Variants in FBXO22 observed in about 807,000 individuals in gnomAD.
FBXO22 encodes F-box protein 22.
A neutral mutation model predicts 37.2 loss-of-function variants in FBXO22; 13 were observed. The observed-to-expected ratio is 0.35, with a 90% CI of 0.23 to 0.56. The LOEUF (loss-of-function observed/expected upper bound fraction) is 0.56, where lower values mean the gene tolerates loss of function less well. Among genes scored for constraint, FBXO22 ranks in the 20% least tolerant of loss-of-function variants. The pLI is 0.87. For synonymous variants in FBXO22, 189 were observed against 189.1 expected, an observed-to-expected ratio of 1.00 and a Z score of 0.00; for missense variants, 446 against 509.9, an observed-to-expected ratio of 0.87 and a Z score of 1.21.
At chr15:75,904,432 C>T in intron 1 of FBXO22, 59 bp from the exon 2 acceptor site, 5 of 1,610,814 alleles carry the variant, frequency 3.1e-6, no homozygotes, top group Non-Finnish European at 4.2e-6. Flanking sequence ...GGTTTGTGAG[C>T]TGTGGGAGAG....
rs1302465893 is a variant in FBXO22, at chr15:75,935,323, A to ACATGAAAAAAATGTG, written c.*2222_*2236dup. ...GTCCTCTGTGAAACTGAAAATGATC[A>ACATGAAAAAAATGTG]CATGAAAAAAATGTGAGCATAAAAA... is the stretch of plus-strand genomic sequence containing the variant. On this transcript the variant is annotated 3_prime_UTR_variant, in exon 7 of 7. Coordinates refer to ENST00000308275, the MANE Select transcript of FBXO22 (RefSeq NM_147188.3). 2 of 152,208 alleles carry ACATGAAAAAAATGTG rather than the reference A, an allele frequency of 1.3e-5. No homozygotes were observed. The highest frequency in any genetic ancestry group is 3.8e-4 in the East Asian group (2 of 5,204). 9.4% of individuals were successfully genotyped at this position (152,208 alleles called of 1,614,324 possible). A position where few individuals can be genotyped will look rare whatever the true frequency, so the allele number is the denominator to read the frequency against.
In FBXO22 at chr15:75,934,610, T is replaced by A. The variant is rs1284126299; in HGVS notation, c.*1508T>A. On this transcript the variant is annotated 3_prime_UTR_variant, in exon 7 of 7. Transcript: ENST00000308275. ...ATGATAAAAATGCTTGGAAGAGTCC[T>A]TTAATTTATGGTTATTCTAAATCCT... 4.6e-5 allele frequency: 7 copies of A among 152,210 alleles called. No homozygotes were observed. Among genetic ancestry groups the A allele is most frequent in the Non-Finnish European group, 8.8e-5 (6 of 68,038 alleles). The allele number at this position is 152,210 out of a possible 1,614,324, so 9.4% of individuals were successfully genotyped here. A position where few individuals can be genotyped will look rare whatever the true frequency, so the allele number is the denominator to read the frequency against.
intron 2 of FBXO22, among the ~76,000 whole-genome samples, chr15:75,910,101 C>CT (rs2141704585): frequency 6.6e-6 from 1 of 152,284 alleles, no homozygotes; most frequent in African/African-American, 2.4e-5. Flanking sequence ...TGAGTGCATC[C>CT]TTTTTCTATG....
At chr15:75,928,233 G>GC (rs1259348303) in intron 5 of FBXO22, among the ~76,000 whole-genome samples, 3 of 151,942 alleles carry the variant, frequency 2.0e-5, no homozygotes, top group Non-Finnish European at 4.4e-5. Context: ...ATTTGACCCA[G>GC]CAGTCCTATT....
intron 6 of FBXO22, chr15:75,930,611 TG>T: frequency 1.0e-6 from 1 of 985,664 alleles, no homozygotes; most frequent in Non-Finnish European, 1.2e-6. Context: ...GGATCTTTTT[TG>T]TTACTAAGGC....
At chr15:75,918,477 G>T (rs1900241091) in intron 5 of FBXO22, among the ~76,000 whole-genome samples, 1 of 152,154 alleles carries the variant, frequency 6.6e-6, no homozygotes, top group Non-Finnish European at 1.5e-5. Flanking sequence ...GCCAGCTCTG[G>T]TGTGACACAG....
chr15:75,918,633 G>A (rs1348228869), intron 5 of FBXO22, among the ~76,000 whole-genome samples: 1 of 152,208 alleles, frequency 6.6e-6, no homozygotes, highest in Non-Finnish European at 1.5e-5. Context: ...GGTGGATAAA[G>A]AAAATGTGGT....
intron 5 of FBXO22, among the ~76,000 whole-genome samples, chr15:75,921,907 T>C (rs1381631898): frequency 1.3e-5 from 2 of 152,240 alleles, no homozygotes; most frequent in Non-Finnish European, 2.9e-5. Context: ...CAGTAATACA[T>C]GTGGAGCTGT....
rs2029959011 is a variant in FBXO22, at chr15:75,930,038, G to C, written c.783G>C (p.Leu261=). ...AGGQVDNLSS[L]TSEKNPLDID... ...GCCAGGTGGACAACCTGTCATCACT[G>C]ACTTCTGAAAAGTATGTCTTGTGTG... The change falls in exon 6 of 7, where the codon CTG becomes CTC. Residue 261 remains leucine (L), a synonymous_variant. Transcript: ENST00000308275. 6.2e-7 allele frequency: 1 copy of C among 1,614,018 alleles called. No homozygotes were observed. The highest frequency in any genetic ancestry group is 1.3e-5 in the African/African-American group (1 of 75,034).
intron 2 of FBXO22, among the ~76,000 whole-genome samples, chr15:75,910,094 G>A (rs1392735645): frequency 6.6e-6 from 1 of 152,162 alleles, no homozygotes; most frequent in African/African-American, 2.4e-5. Context: ...AAGGACATGA[G>A]TGCATCCTTT....
intron 5 of FBXO22, among the ~76,000 whole-genome samples, chr15:75,926,073 T>G (rs2648436): frequency 0.98 from 149,782 of 152,312 alleles, 73,694 homozygotes; most frequent in East Asian, 1. Flanking sequence ...GGTTCACCAG[T>G]AGGTTACACT....
At position 75,932,854 on chromosome 15, in the gene FBXO22, T is replaced by G; in HGVS notation, c.964T>G (p.Phe322Val). The G allele has an allele frequency of 1.2e-6, 2 of 1,614,276 alleles. No individual in the cohort carries two copies. The highest frequency in any genetic ancestry group is 1.7e-6 in the Non-Finnish European group (2 of 1,180,048). Residue 322 changes from phenylalanine (F) to valine (V), a missense_variant, in exon 7 of 7, where the codon TTC (phenylalanine) becomes GTC (valine). Physicochemically the swap from Phe to Val is conservative, Grantham distance 50 (BLOSUM62 -1). This residue lies in a region of FBXO22 where 315 missense variants were observed against 410.1 expected (regional missense o/e 0.77). Transcript: ENST00000308275. ...CATTCCAGAGCATAACACCATTGGC[T>G]TCATGTTTGCATGCGTTGGCAGGGG... Reference protein sequence around the residue: ...ANIPEHNTIGFMFACVGRGFQ... With the variant: ...ANIPEHNTIGVMFACVGRGFQ...
chr15:75,930,245 A>G, intron 6 of FBXO22, 196 bp downstream of exon 6: 20 of 1,431,474 alleles, frequency 1.4e-5, no homozygotes, highest in Non-Finnish European at 1.7e-5. Flanking sequence ...ACATTTTTAT[A>G]TATATTGTCC....
intron 5 of FBXO22, 122 bp downstream of exon 5, chr15:75,917,516 C>T: frequency 1.5e-6 from 1 of 658,224 alleles, no homozygotes; most frequent in Non-Finnish European, 2.5e-6. Flanking sequence ...GTACACCTGT[C>T]ACTGGAGATG....
chr15:75,908,519 C>T (rs374683342), intron 2 of FBXO22, among the ~76,000 whole-genome samples: 34 of 152,274 alleles, frequency 2.2e-4, no homozygotes, highest in African/African-American at 7.5e-4. Flanking sequence ...ATCCACCCAC[C>T]GTGGCCTCCC....
chr15:75,939,012 G>T lies in FBXO22; in HGVS notation c.*5910G>T, dbSNP rs375254940. 11 of 152,050 alleles carry T rather than the reference G, an allele frequency of 7.2e-5. No homozygotes were observed. Among genetic ancestry groups the T allele is most frequent in the African/African-American group, 2.4e-4 (10 of 41,416 alleles). The allele number at this position is 152,050 out of a possible 1,614,324, so 9.4% of individuals were successfully genotyped here. ...AATGCTTACATTAAAAAACAAAAAA[G>T]ACCTCATGTCAACAACCTGACTTTG... On this transcript the variant is annotated 3_prime_UTR_variant, in exon 7 of 7. Coordinates refer to ENST00000308275, the MANE Select transcript of FBXO22 (RefSeq NM_147188.3).
Position 75,917,338 on chromosome 15 carries a change from A to AT in FBXO22, c.576dup (p.Ile193TyrfsTer2). On this transcript the variant is annotated frameshift_variant, in exon 5 of 7. Transcript: ENST00000308275. LOFTEE classifies it high-confidence loss of function. ...GAAGGAATAAAAATACAACCCTTTC[A>AT]TTTTATTAAGGATCCAAAGAATTTA... 2 of 1,607,598 alleles carry AT rather than the reference A, an allele frequency of 1.2e-6. No individual in the cohort carries two copies. Among genetic ancestry groups the AT allele is most frequent in the Non-Finnish European group, 1.7e-6 (2 of 1,174,812 alleles).
chr15:75,904,525 G>T lies in FBXO22; in HGVS notation c.175G>T (p.Val59Leu). 1 of 1,614,078 alleles carries T rather than the reference G, an allele frequency of 6.2e-7. No homozygotes were observed. The highest frequency in any genetic ancestry group is 8.5e-7 in the Non-Finnish European group (1 of 1,179,950). ...CTTATGGAGGGAGTGTGTGCGCAGA[G>T]TATTGCGGACCCATCGGAGCGTAAC... The part of the protein sequence containing the change: ...CRLWRECVRR[V>L]LRTHRSVTWI... Residue 59 changes from valine to leucine, a missense_variant, in exon 2 of 7, where the codon GTA (valine) becomes TTA (leucine). Physicochemically the swap from Val to Leu is conservative, Grantham distance 32 (BLOSUM62 1). Coordinates refer to ENST00000308275, the MANE Select transcript of FBXO22 (RefSeq NM_147188.3).
rs1488308297 is a variant in FBXO22 at position 75,934,966 on chromosome 15, A to G, written c.*1864A>G. ...GTCTGATACAGGGTAATTTCATACA[A>G]TATTTGATGTTGTTAAAGCATTCCT... is the stretch of plus-strand genomic sequence containing the variant. On this transcript the variant is annotated 3_prime_UTR_variant, in exon 7 of 7. Coordinates refer to ENST00000308275, the MANE Select transcript of FBXO22 (RefSeq NM_147188.3). The G allele has an allele frequency of 6.6e-6, 1 of 152,204 alleles. No individual in the cohort carries two copies. The highest frequency in any genetic ancestry group is 1.5e-5 in the Non-Finnish European group (1 of 68,030). 9.4% of individuals were successfully genotyped at this position (152,204 alleles called of 1,614,324 possible). A position where few individuals can be genotyped will look rare whatever the true frequency, so the allele number is the denominator to read the frequency against.
Sources: gnomAD v4.1 joint callset for allele counts (sites outside exome capture counted in the v4.1 genomes callset) on GRCh38, gnomAD v4.1.1 for gene constraint, gnomAD v4.1.1 regional missense constraint, MANE v1.5 for transcripts, NCBI Gene and HGNC (gene_info 2026-07-23, HGNC 2026-07-21) for gene names.